Variants in CRISP3 observed in about 807,000 individuals in gnomAD.
CRISP3 encodes cysteine rich secretory protein 3.
In CRISP3, 33 loss-of-function variants were observed where a neutral mutation model predicts 36.1. That is an observed-to-expected ratio of 0.91 (90% CI 0.69 to 1.22). CRISP3 has a LOEUF of 1.22. CRISP3 is among the 50% of genes most tolerant of loss of function. CRISP3 has a pLI of 0.00. For missense variants in CRISP3, 330 were observed against 301.2 expected, an observed-to-expected ratio of 1.10 and a Z score of -0.71; for synonymous variants, 117 against 104.6, an observed-to-expected ratio of 1.12 and a Z score of -0.72.
chr6:49,729,361 G>A (rs1442551829), intron 7 of CRISP3, among the ~76,000 whole-genome samples: 1 of 152,070 alleles, frequency 6.6e-6, no homozygotes, highest in African/African-American at 2.4e-5. Flanking sequence ...GGACACAGTT[G>A]TTCTAGACTC....
At chr6:49,738,381 T>C (rs1308828650) in intron 1 of CRISP3, among the ~76,000 whole-genome samples, 1 of 152,114 alleles carries the variant, frequency 6.6e-6, no homozygotes, top group African/African-American at 2.4e-5. Flanking sequence ...CCACTATACA[T>C]TTATGGTTGT....
intron 1 of CRISP3, among the ~76,000 whole-genome samples, chr6:49,739,437 G>A (rs1769143085): frequency 6.6e-6 from 1 of 152,120 alleles, no homozygotes; most frequent in Non-Finnish European, 1.5e-5. Context: ...CAGAGGGGGA[G>A]CTGGTTGAAT....
intron 1 of CRISP3, among the ~76,000 whole-genome samples, chr6:49,738,609 A>T (rs1769120078): frequency 1.3e-5 from 2 of 152,068 alleles, no homozygotes; most frequent in South Asian, 4.1e-4. Context: ...TAGACTATGA[A>T]CTTAGCTAAC....
Position 49,731,605 on chromosome 6 carries a change from A to G in CRISP3, c.561-354T>C, listed in dbSNP as rs1443460084. On this transcript the variant is annotated intron_variant, in intron 6 of 7. Transcript: ENST00000263045. ...ACAAGGTGCTGGCAAGGGGTAAAAC[A>G]TATCCCCTAGAGAGATAAGAAAAGT... 9.9e-5 allele frequency among the ~76,000 whole-genome samples: 15 copies of G among 152,232 alleles called. 1 individual carries two copies.
At chr6:49,736,623 G>A in intron 2 of CRISP3, 116 bp from the exon 3 acceptor site, 1 of 787,722 alleles carries the variant, frequency 1.3e-6, no homozygotes, top group South Asian at 1.5e-5. Flanking sequence ...CCAATGCTAG[G>A]TAAACATTGT....
intron 4 of CRISP3, among the ~76,000 whole-genome samples, chr6:49,735,230 A>T (rs914687332): frequency 1.3e-5 from 2 of 152,114 alleles, no homozygotes; most frequent in African/African-American, 2.4e-5. Context: ...TAATCTCTGT[A>T]ATTGGGAAAG....
At position 49,736,521 on chromosome 6, in the gene CRISP3, A is replaced by C; in HGVS notation, c.112-14T>G. 2 of 1,532,714 alleles carry C rather than the reference A, an allele frequency of 1.3e-6. No individual in the cohort carries two copies. Among genetic ancestry groups the C allele is most frequent in the South Asian group, 2.2e-5 (2 of 89,258 alleles). 94.9% of individuals were successfully genotyped at this position (1,532,714 alleles called of 1,614,324 possible). ...AAAAGCGGGATCCTAAGGGAAAATA[A>C]AATTACAATTATCTTTTAACATTGT... On this transcript the variant is annotated splice_polypyrimidine_tract_variant and intron_variant, in intron 2 of 7. Coordinates refer to ENST00000263045, the MANE Select transcript of CRISP3 (RefSeq NM_006061.4).
At chr6:49,742,147 A>T (rs1769221956) in intron 1 of CRISP3, among the ~76,000 whole-genome samples, 1 of 152,034 alleles carries the variant, frequency 6.6e-6, no homozygotes, top group Admixed American at 6.6e-5. Flanking sequence ...AAATTTAAAA[A>T]TCCTTTTTGG....
At chr6:49,732,170 C>T (rs1582190220) in intron 6 of CRISP3, among the ~76,000 whole-genome samples, 1 of 152,174 alleles carries the variant, frequency 6.6e-6, no homozygotes. Flanking sequence ...TCCCTGTTTT[C>T]TCTCATTACT....
chr6:49,729,013 T>G (rs192665383), intron 7 of CRISP3, among the ~76,000 whole-genome samples, 156 bp from the exon 8 acceptor site: 8 of 152,218 alleles, frequency 5.3e-5, no homozygotes, highest in African/African-American at 1.7e-4. Flanking sequence ...GAGGGACACA[T>G]AAGGTCACTT....
At position 49,732,315 on chromosome 6, in the gene CRISP3, G is replaced by A. The variant is rs755866501; in HGVS notation, c.560+880C>T. ...TCTTTGCTGAAAAATGACCTTACAG[G>A]TCATATTTCTCAGACTGGAATCCTA... is the stretch of plus-strand genomic sequence containing the variant. On this transcript the variant is annotated intron_variant, in intron 6 of 7. Coordinates refer to ENST00000263045, the MANE Select transcript of CRISP3 (RefSeq NM_006061.4). 6.6e-5 allele frequency among the ~76,000 whole-genome samples: 10 copies of A among 152,122 alleles called. No homozygotes were observed. The East Asian group carries it at 1.9e-3, about 29-fold the overall frequency.
At chr6:49,735,735 A>G (rs1582194081) in intron 3 of CRISP3, 144 bp from the exon 4 acceptor site, 1 of 552,576 alleles carries the variant, frequency 1.8e-6, no homozygotes, top group Non-Finnish European at 3.1e-6. Context: ...AATCAAATGT[A>G]TATATTTTTT....
chr6:49,737,020 C>T (rs1445527624), intron 2 of CRISP3, among the ~76,000 whole-genome samples: 2 of 151,944 alleles, frequency 1.3e-5, no homozygotes, highest in African/African-American at 2.4e-5. Flanking sequence ...TTATGTATTA[C>T]GTAGCAAATA....
intron 1 of CRISP3, among the ~76,000 whole-genome samples, chr6:49,743,376 T>C (rs1483226146): frequency 1.3e-5 from 2 of 152,166 alleles, no homozygotes; most frequent in African/African-American, 4.8e-5. Context: ...GGCTTGAAAC[T>C]TGTCATCAAT....
At chr6:49,736,171 C>G (rs1769046284) in intron 3 of CRISP3, among the ~76,000 whole-genome samples, 1 of 152,112 alleles carries the variant, frequency 6.6e-6, no homozygotes, top group Non-Finnish European at 1.5e-5. Flanking sequence ...GGTTTTAATT[C>G]TGCCTCCATA....
chr6:49,737,738 A>G (rs1266830136), intron 1 of CRISP3, among the ~76,000 whole-genome samples: 1 of 152,218 alleles, frequency 6.6e-6, no homozygotes. Context: ...GATTCTTCAC[A>G]ATAACAATTC....
At chr6:49,732,922 A>T (rs1282358642) in intron 6 of CRISP3, among the ~76,000 whole-genome samples, 2 of 152,190 alleles carry the variant, frequency 1.3e-5, no homozygotes, top group Non-Finnish European at 2.9e-5. Context: ...ACATGTACTT[A>T]TGAAGTAACC....
At position 49,735,519 on chromosome 6, in the gene CRISP3, T is replaced by C; in HGVS notation, c.301A>G (p.Lys101Glu). The change falls in exon 4 of 8, where the codon AAG becomes GAG. Residue 101 changes from lysine to glutamate, a missense_variant. Lys to Glu is a moderately conservative substitution (Grantham distance 56). Transcript: ENST00000263045. The stretch of plus-strand genomic sequence containing the variant: ...ATTTACATACTTGTCATTCGATCCT[T>C]TGGGTTACTGTGTCTGTAATTGCAC... ...NQCNYRHSNPKDRMTSLKCGE... is the reference protein window; with the variant it reads ...NQCNYRHSNPEDRMTSLKCGE... 1 of 1,609,672 alleles carries C rather than the reference T, an allele frequency of 6.2e-7. No individual in the cohort carries two copies. The highest frequency in any genetic ancestry group is 8.5e-7 in the Non-Finnish European group (1 of 1,177,238).
rs767464289 is a variant in CRISP3 at position 49,728,681 on chromosome 6, G to A, written c.*49C>T. On this transcript the variant is annotated 3_prime_UTR_variant, in exon 8 of 8. Transcript: ENST00000263045. ...TCTAAGTAGATGCCAAATCTAAGTA[G>A]ATAATCTGACTCCTCTCTACATAGC... The A allele has an allele frequency of 2.5e-5, 37 of 1,466,270 alleles. No homozygotes were observed. The highest frequency in any genetic ancestry group is 3.2e-5 in the Non-Finnish European group (35 of 1,099,672). 90.8% of individuals were successfully genotyped at this position (1,466,270 alleles called of 1,614,324 possible).
Sources: gnomAD v4.1 joint callset for allele counts (sites outside exome capture counted in the v4.1 genomes callset) on GRCh38, gnomAD v4.1.1 for gene constraint, MANE v1.5 for transcripts, NCBI Gene and HGNC (gene_info 2026-07-23, HGNC 2026-07-21) for gene names.